Variants in PRKD2 observed in about 807,000 individuals in gnomAD.
The protein encoded by PRKD2 is serine/threonine-protein kinase D2.
Under a neutral mutation model 86.0 loss-of-function variants are expected in PRKD2, and 22 were observed. The observed-to-expected ratio is 0.26, with a 90% CI of 0.18 to 0.37. PRKD2 has a LOEUF of 0.37. Among genes scored for constraint, PRKD2 ranks in the 10% least tolerant of loss-of-function variants. PRKD2 has a pLI of 1.00. For synonymous variants in PRKD2, 509 were observed against 510.9 expected (o/e 1.00, Z 0.05); for missense variants, 818 against 1,199.2 (o/e 0.68, Z 4.70).
At position 46,704,386 on chromosome 19, in the gene PRKD2, A is replaced by G. The variant is rs767833313; in HGVS notation, c.672T>C (p.Arg224=). ...GGCGAGGCAGGAGTTCGGTGGTGCT[A>G]CGGCTCTGTCGTTGGCAAGAATGGA... ...SLPCTAEELS[R]STTELLPRRP... is the part of the protein sequence containing the mutation. Residue 224 remains arginine (R), a synonymous_variant, in exon 5 of 18, where the codon CGT becomes CGC. Coordinates refer to ENST00000291281, the MANE Select transcript of PRKD2 (RefSeq NM_016457.5). 12 of 1,613,966 alleles carry G rather than the reference A, an allele frequency of 7.4e-6. No individual in the cohort carries two copies. The South Asian group carries it at 8.8e-5, about 12-fold the overall frequency.
chr19:46,714,141 C>G, intron 1 of PRKD2, 140 bp from the exon 2 acceptor site: 1 of 1,388,556 alleles, frequency 7.2e-7, no homozygotes, highest in Admixed American at 2.8e-5. Context: ...TTCCTGCCTG[C>G]CCCCTCCCAA....
intron 15 of PRKD2, among the ~76,000 whole-genome samples, chr19:46,679,424 A>C (rs1489231425): frequency 3.3e-5 from 5 of 152,216 alleles, no homozygotes. Flanking sequence ...AATGTATGCA[A>C]CGTGTTAGGA....
At chr19:46,712,235 C>A (rs1249782275) in intron 2 of PRKD2, among the ~76,000 whole-genome samples, 3 of 151,500 alleles carry the variant, frequency 2.0e-5, no homozygotes, top group Admixed American at 6.6e-5. Flanking sequence ...CAGAACAAGA[C>A]CCTGCCTCAA....
chr19:46,678,695 G>T lies in PRKD2; in HGVS notation c.2071-32C>A. 1 of 1,587,594 alleles carries T rather than the reference G, an allele frequency of 6.3e-7. No homozygotes were observed. Among genetic ancestry groups the T allele is most frequent in the South Asian group, 1.1e-5 (1 of 89,966 alleles). On this transcript the variant is annotated intron_variant, in intron 15 of 17. Coordinates refer to ENST00000291281, the MANE Select transcript of PRKD2 (RefSeq NM_016457.5). The surrounding 1 kb of genome is among the most constrained non-coding windows in gnomAD (Gnocchi z 5.7). The stretch of plus-strand genomic sequence containing the variant: ...AGGGCAAGGGATGGAGGCTCCACCA[G>T]GTGATGGAGCCGCACCCACCCCAGC...
chr19:46,687,158 C>T (rs763891618), intron 14 of PRKD2, among the ~76,000 whole-genome samples: 1 of 151,922 alleles, frequency 6.6e-6, no homozygotes, highest in African/African-American at 2.4e-5. Flanking sequence ...AGGCTGAGGC[C>T]GAGTCAGGAG....
Position 46,678,382 on chromosome 19 carries a change from C to T in PRKD2, c.2338+14G>A, listed in dbSNP as rs779832744. 1.5e-5 allele frequency: 24 copies of T among 1,613,070 alleles called. No homozygotes were observed. Among genetic ancestry groups the T allele is most frequent in the Middle Eastern group, 1.7e-4 (1 of 5,988 alleles). ...ACAACCCACCCGCCCATGGGGTAGG[C>T]GGGCCCCAGGCACCTCCAGCTGAGA... is the stretch of plus-strand genomic sequence containing the variant. On this transcript the variant is annotated intron_variant, in intron 16 of 17. Coordinates refer to ENST00000291281, the MANE Select transcript of PRKD2 (RefSeq NM_016457.5). The surrounding 1 kb of genome is among the most constrained non-coding windows in gnomAD (Gnocchi z 5.7).
At position 46,704,301 on chromosome 19, in the gene PRKD2, G is replaced by C; in HGVS notation, c.757C>G (p.Leu253Val). ...ASSYTGRPIE[L>V]DKMLLSKVKV... is the part of the protein sequence containing the mutation. ...ACCTTGGAGAGCAGCATCTTGTCCAGCTCAATGGGGCGGCCCGTATACGAT... is the reference window on the plus strand; with the variant it reads ...ACCTTGGAGAGCAGCATCTTGTCCACCTCAATGGGGCGGCCCGTATACGAT... The change falls in exon 5 of 18, where the codon CTG (leucine) becomes GTG (valine). Residue 253 changes from leucine (L) to valine (V), a missense_variant. Coordinates refer to ENST00000291281, the MANE Select transcript of PRKD2 (RefSeq NM_016457.5). The C allele has an allele frequency of 6.2e-7, 1 of 1,614,210 alleles. No homozygotes were observed. Among genetic ancestry groups the C allele is most frequent in the South Asian group, 1.1e-5 (1 of 91,092 alleles).
intron 14 of PRKD2, among the ~76,000 whole-genome samples, chr19:46,686,457 G>A (rs980590560): frequency 6.2e-5 from 9 of 144,754 alleles, no homozygotes; most frequent in Non-Finnish European, 9.0e-5. Context: ...GCAACATGGC[G>A]AGACCTTGTC....
In PRKD2 at chr19:46,710,831, C is replaced by T. The variant is rs903401453; in HGVS notation, c.511+76G>A. 5 of 1,433,496 alleles carry T rather than the reference C, an allele frequency of 3.5e-6. No individual in the cohort carries two copies. The African/African-American group carries it at 5.7e-5, about 16-fold the overall frequency. 88.8% of individuals were successfully genotyped at this position (1,433,496 alleles called of 1,614,324 possible). A position where few individuals can be genotyped will look rare whatever the true frequency, so the allele number is the denominator to read the frequency against. ...CCGCTCCTCCTCCCCACGCTGTCCCCGTGCCAGGACCATTACGCTCCGCCC... is the reference window on the plus strand; with the variant it reads ...CCGCTCCTCCTCCCCACGCTGTCCCTGTGCCAGGACCATTACGCTCCGCCC... On this transcript the variant is annotated intron_variant, in intron 3 of 17. Transcript: ENST00000291281.
intron 13 of PRKD2, 28 bp from the exon 14 acceptor site, chr19:46,689,726 C>T: frequency 1.2e-6 from 2 of 1,612,832 alleles, no homozygotes; most frequent in Non-Finnish European, 1.7e-6. Flanking sequence ...GGGTCAGGGC[C>T]CAGGTAACCC....
Position 46,693,749 on chromosome 19 carries a change from T to C in PRKD2, c.1576+126A>G. On this transcript the variant is annotated intron_variant, in intron 10 of 17. Coordinates refer to ENST00000291281, the MANE Select transcript of PRKD2 (RefSeq NM_016457.5). The surrounding 1 kb of genome is among the most constrained non-coding windows in gnomAD (Gnocchi z 4.5). Reference sequence around the variant, plus strand: ...TAACAGAGTTTGAACCCAGGCCTGCTGAGTCCAGAAGCTGCGTTCTCAACC... The same window carrying C: ...TAACAGAGTTTGAACCCAGGCCTGCCGAGTCCAGAAGCTGCGTTCTCAACC... 1 of 1,365,050 alleles carries C rather than the reference T, an allele frequency of 7.3e-7. No homozygotes were observed. Among genetic ancestry groups the C allele is most frequent in the Admixed American group, 2.3e-5 (1 of 43,964 alleles). 84.6% of individuals were successfully genotyped at this position (1,365,050 alleles called of 1,614,324 possible).
chr19:46,684,475 C>T (rs948501082), intron 14 of PRKD2, among the ~76,000 whole-genome samples: 2 of 152,068 alleles, frequency 1.3e-5, no homozygotes, highest in Admixed American at 6.6e-5. Flanking sequence ...GTGAATGCCA[C>T]CACACCTGGC....
At chr19:46,687,146 C>T (rs924932720) in intron 14 of PRKD2, among the ~76,000 whole-genome samples, 4 of 151,762 alleles carry the variant, frequency 2.6e-5, no homozygotes, top group Non-Finnish European at 5.9e-5. Flanking sequence ...CAGAACTTTG[C>T]GAGGCTGAGG....
rs752841343 is a variant in PRKD2, at chr19:46,678,364, A to T, written c.2338+32T>A. 1.2e-5 allele frequency: 19 copies of T among 1,604,784 alleles called. No individual in the cohort carries two copies. Among genetic ancestry groups the T allele is most frequent in the Non-Finnish European group, 1.6e-5 (19 of 1,176,772 alleles). The stretch of plus-strand genomic sequence containing the variant: ...CTTCTCCAGCCCCACCCCACAACCC[A>T]CCCGCCCATGGGGTAGGCGGGCCCC... On this transcript the variant is annotated intron_variant, in intron 16 of 17. Transcript: ENST00000291281. The surrounding 1 kb of genome is among the most constrained non-coding windows in gnomAD (Gnocchi z 5.7).
At chr19:46,706,329 C>T (rs969642535) in intron 3 of PRKD2, among the ~76,000 whole-genome samples, 5 of 152,170 alleles carry the variant, frequency 3.3e-5, no homozygotes, top group African/African-American at 1.2e-4. Context: ...TTTGGGAGCC[C>T]TTCTGGTACC....
chr19:46,676,347 C>T (rs2053202009), intron 16 of PRKD2, among the ~76,000 whole-genome samples: 1 of 152,146 alleles, frequency 6.6e-6, no homozygotes. Context: ...ATCGCTTGAA[C>T]TCAGGAGGCA....
intron 12 of PRKD2, 26 bp downstream of exon 12, chr19:46,691,709 C>G (rs947202525): frequency 6.2e-7 from 1 of 1,611,336 alleles, no homozygotes; most frequent in Non-Finnish European, 8.5e-7. Context: ...GGGGCTCCCT[C>G]TGGGTTAGCT....
At chr19:46,714,042 A>G (rs1692212468) in intron 1 of PRKD2, 41 bp from the exon 2 acceptor site, 3 of 1,597,962 alleles carry the variant, frequency 1.9e-6, no homozygotes, top group Non-Finnish European at 2.6e-6. Context: ...AAAAGCTCAG[A>G]GCCGCCTTCA....
intron 7 of PRKD2, 47 bp downstream of exon 7, chr19:46,700,752 T>G (rs774435638): frequency 6.3e-7 from 1 of 1,591,168 alleles, no homozygotes. Flanking sequence ...AGGTTCACTG[T>G]GCAGGAGGGT....
Sources: gnomAD v4.1 joint callset for allele counts (sites outside exome capture counted in the v4.1 genomes callset) on GRCh38, gnomAD v4.1.1 for gene constraint, Gnocchi (gnomAD v3.1) non-coding constraint, MANE v1.5 for transcripts, NCBI Gene and HGNC (gene_info 2026-07-23, HGNC 2026-07-21) for gene names.